EPS15: variants seen among roughly 807,000 people sequenced by gnomAD.
EPS15 encodes epidermal growth factor receptor pathway substrate 15.
In EPS15, 72 loss-of-function variants were observed where a neutral mutation model predicts 113.8. The observed-to-expected ratio is 0.63, with a 90% CI of 0.52 to 0.77. The LOEUF (loss-of-function observed/expected upper bound fraction) is 0.77, where lower values mean the gene tolerates loss of function less well. EPS15 is among the 30% of genes least tolerant of loss of function. EPS15 has a pLI of 0.00. For synonymous variants in EPS15, 344 were observed against 363.4 expected, an observed-to-expected ratio of 0.95 and a Z score of 0.61; for missense variants, 1,048 against 1,045.8, an observed-to-expected ratio of 1.00 and a Z score of -0.03.
At position 51,450,240 on chromosome 1, in the gene EPS15, TG is replaced by T. The variant is rs202208126; in HGVS notation, c.562-2106del. On this transcript the variant is annotated intron_variant, in intron 8 of 24. Coordinates refer to ENST00000371733, the MANE Select transcript of EPS15 (RefSeq NM_001981.3). ...AGCTCCTAGGATGGAAAGGCCACAC[TG>T]GGGGGGGCTGTATTTTAGTCCGTTT... Among the ~76,000 whole-genome samples the T allele has an allele frequency of 5.7e-3, 860 of 151,404 alleles. 24 individuals carry two copies. The highest frequency in any genetic ancestry group is 0.019 in the African/African-American group (781 of 40,966).
intron 21 of EPS15, among the ~76,000 whole-genome samples, chr1:51,389,351 C>T (rs1417499717): frequency 6.6e-6 from 1 of 152,194 alleles, no homozygotes; most frequent in Non-Finnish European, 1.5e-5. Flanking sequence ...GACAAACCCA[C>T]AGCCAATATC....
Position 51,440,286 on chromosome 1 carries a change from T to C in EPS15, c.1040+61A>G, listed in dbSNP as rs770229121. ...TACATATATACATGTACTGTGTGTG[T>C]GTGTGTGTGTGTGTGTGTGTGTGTG... On this transcript the variant is annotated intron_variant, in intron 12 of 24. Coordinates refer to ENST00000371733, the MANE Select transcript of EPS15 (RefSeq NM_001981.3). The C allele has an allele frequency of 7.2e-3, 4,308 of 596,072 alleles. 16 individuals carry two copies. The highest frequency in any genetic ancestry group is 0.029 in the African/African-American group (1,347 of 46,528). 36.9% of individuals were successfully genotyped at this position (596,072 alleles called of 1,614,324 possible).
intron 1 of EPS15, among the ~76,000 whole-genome samples, chr1:51,489,555 T>G (rs1570415273): frequency 6.6e-6 from 1 of 151,958 alleles, no homozygotes; most frequent in African/African-American, 2.4e-5. Context: ...TGGCCTCAGG[T>G]GACTAGTACA....
At chr1:51,360,058 A>G (rs920356636) in intron 24 of EPS15, among the ~76,000 whole-genome samples, 3 of 152,088 alleles carry the variant, frequency 2.0e-5, no homozygotes, top group African/African-American at 7.2e-5. Flanking sequence ...AAATGCTGAG[A>G]TTACAGGCGT....
chr1:51,366,288 AAACTC>A (rs1222563155), intron 21 of EPS15, among the ~76,000 whole-genome samples: 2 of 152,138 alleles, frequency 1.3e-5, no homozygotes, highest in African/African-American at 2.4e-5. Context: ...GGCTGATCCC[AAACTC>A]CTGGGTTCAA....
At chr1:51,517,326 A>T (rs919490861) in intron 1 of EPS15, among the ~76,000 whole-genome samples, 1 of 152,244 alleles carries the variant, frequency 6.6e-6, no homozygotes, top group Non-Finnish European at 1.5e-5. Flanking sequence ...CTTACTGTGT[A>T]CACATTAATA....
In EPS15 at chr1:51,465,296, C is replaced by G; in HGVS notation, c.340G>C (p.Gly114Arg). The change falls in exon 6 of 25, where the codon GGA (glycine) becomes CGA (arginine). Residue 114 changes from glycine to arginine, a missense_variant. By Grantham distance (125) the Gly-to-Arg change is moderately radical. Coordinates refer to ENST00000371733, the MANE Select transcript of EPS15 (RefSeq NM_001981.3). ...CATGGGAGCTCAGCTGCAGAGGTTC[C>G]ACTGATTAGCAAAGGACTACTGGTA... Reference protein sequence around the residue: ...HDTSSPLLISGTSAAELPWAV... With the variant: ...HDTSSPLLISRTSAAELPWAV... 1 of 1,610,628 alleles carries G rather than the reference C, an allele frequency of 6.2e-7. No homozygotes were observed. Among genetic ancestry groups the G allele is most frequent in the South Asian group, 1.1e-5 (1 of 90,574 alleles).
At chr1:51,433,102 T>A (rs1409228385) in intron 12 of EPS15, among the ~76,000 whole-genome samples, 1 of 152,190 alleles carries the variant, frequency 6.6e-6, no homozygotes, top group Non-Finnish European at 1.5e-5. Context: ...TTAGAAATTT[T>A]AAAAAATCGG....
At chr1:51,420,381 CT>C (rs1018953281) in intron 13 of EPS15, among the ~76,000 whole-genome samples, 1 of 152,130 alleles carries the variant, frequency 6.6e-6, no homozygotes, top group African/African-American at 2.4e-5. Context: ...GGTAGATATA[CT>C]CAACAAAATA....
chr1:51,479,096 A>G (rs1643971414), intron 2 of EPS15, among the ~76,000 whole-genome samples: 1 of 152,186 alleles, frequency 6.6e-6, no homozygotes, highest in African/African-American at 2.4e-5. Flanking sequence ...AGGTACACCA[A>G]TCAGACGTAG....
chr1:51,460,218 G>T (rs1339321669), intron 8 of EPS15, among the ~76,000 whole-genome samples: 1 of 152,132 alleles, frequency 6.6e-6, no homozygotes, highest in Non-Finnish European at 1.5e-5. Flanking sequence ...AAAATAAAAA[G>T]AGAAAATCTG....
chr1:51,422,570 G>A (rs1453565881), intron 12 of EPS15, among the ~76,000 whole-genome samples: 4 of 152,126 alleles, frequency 2.6e-5, no homozygotes, highest in Non-Finnish European at 5.9e-5. Flanking sequence ...TTGAAACATC[G>A]TTACCTAAAT....
intron 1 of EPS15, among the ~76,000 whole-genome samples, chr1:51,491,023 G>A (rs1236196619): frequency 6.6e-6 from 1 of 152,148 alleles, no homozygotes; most frequent in Non-Finnish European, 1.5e-5. Flanking sequence ...CAGTATTGAA[G>A]ACCAATGTGA....
chr1:51,489,751 C>G (rs1044164821), intron 1 of EPS15, among the ~76,000 whole-genome samples: 4 of 152,132 alleles, frequency 2.6e-5, no homozygotes, highest in African/African-American at 9.7e-5. Flanking sequence ...GTTTTGGCCA[C>G]TGAATCTGGG....
chr1:51,460,722 G>A (rs1654372846), intron 8 of EPS15, among the ~76,000 whole-genome samples: 2 of 152,220 alleles, frequency 1.3e-5, no homozygotes, highest in East Asian at 1.9e-4. Flanking sequence ...GGGAGGCTGA[G>A]GTGGGCAGAT....
At position 51,366,021 on chromosome 1, in the gene EPS15, G is replaced by A; in HGVS notation, c.2128C>T (p.Pro710Ser). The change falls in exon 22 of 25, where the codon CCC becomes TCC. Residue 710 changes from proline to serine, a missense_variant. Transcript: ENST00000371733. The stretch of plus-strand genomic sequence containing the variant: ...TCATTCCCAAAAACAGAAGCAAAGG[G>A]GTCTGTGGCTAAAATGAATAAAGAA... ...VVAASDSATDPFASVFGNESF... is the reference protein window; with the variant it reads ...VVAASDSATDSFASVFGNESF... 6.2e-7 allele frequency: 1 copy of A among 1,610,268 alleles called. No homozygotes were observed.
chr1:51,472,911 T>C lies in EPS15; in HGVS notation c.113A>G (p.Asp38Gly), dbSNP rs1275814961. ...TGATTTTTTCAGGAAAGCAGCAGCA[T>C]CAGAAGCCAACACCCTTCCAGTATT... is the stretch of plus-strand genomic sequence containing the variant. ...TGNTGRVLAS[D>G]AAAFLKKSGL... Residue 38 changes from aspartate to glycine, a missense_variant, in exon 3 of 25, where the codon GAT becomes GGT. Physicochemically the swap from Asp to Gly is moderately conservative, Grantham distance 94. Coordinates refer to ENST00000371733, the MANE Select transcript of EPS15 (RefSeq NM_001981.3). The C allele has an allele frequency of 1.9e-6, 3 of 1,613,854 alleles. No individual in the cohort carries two copies. Among genetic ancestry groups the C allele is most frequent in the Admixed American group, 3.3e-5 (2 of 60,004 alleles).
At chr1:51,382,429 T>C (rs1395267351) in intron 21 of EPS15, 1 of 150,684 alleles carries the variant, frequency 6.6e-6, no homozygotes, top group Non-Finnish European at 1.5e-5. Context: ...TTTTTTTTTT[T>C]TTTTTTTGAG....
chr1:51,519,227 G>T lies in EPS15; in HGVS notation c.5C>A (p.Ala2Asp). Residue 2 changes from alanine to aspartate, a missense_variant, in exon 1 of 25, where the codon GCT (alanine) becomes GAT (aspartate). Coordinates refer to ENST00000371733, the MANE Select transcript of EPS15 (RefSeq NM_001981.3). M[A>D]AAAQLSLTQL... ...TGTCAGAGAGAGCTGGGCCGCCGCA[G>T]CCATGGTGTTTCCATCATGCAAGGG... is the stretch of plus-strand genomic sequence containing the variant. 7.3e-7 allele frequency: 1 copy of T among 1,365,554 alleles called. No homozygotes were observed. The highest frequency in any genetic ancestry group is 1.7e-5 in the South Asian group (1 of 57,688). The allele number at this position is 1,365,554 out of a possible 1,614,324, so 84.6% of individuals were successfully genotyped here.
Sources: gnomAD v4.1 joint callset for allele counts (sites outside exome capture counted in the v4.1 genomes callset) on GRCh38, gnomAD v4.1.1 for gene constraint, MANE v1.5 for transcripts, NCBI Gene and HGNC (gene_info 2026-07-23, HGNC 2026-07-21) for gene names.